DAB1: variants seen among roughly 807,000 people sequenced by gnomAD.
DAB1 encodes the protein DAB adaptor protein 1.
DAB1 carries 15 observed loss-of-function variants against 64.6 expected under a neutral mutation model. The ratio of observed to expected loss-of-function variants is 0.23; its 90% confidence interval spans 0.16 to 0.36. The LOEUF (loss-of-function observed/expected upper bound fraction) is 0.36. Among genes scored for constraint, DAB1 ranks in the 10% least tolerant of loss-of-function variants. The probability of loss-of-function intolerance (pLI) is 1.00; values close to 1 mark genes in which losing one functional copy is unlikely to be tolerated. For synonymous variants in DAB1, 235 were observed against 251.9 expected, an observed-to-expected ratio of 0.93 and a Z score of 0.64; for missense variants, 596 against 706.7, an observed-to-expected ratio of 0.84 and a Z score of 1.78.
At chr1:57,137,167 C>T (rs924207738) in intron 3 of DAB1, among the ~76,000 whole-genome samples, 1 of 151,944 alleles carries the variant, frequency 6.6e-6, no homozygotes, top group Non-Finnish European at 1.5e-5. Flanking sequence ...TAATTAAATG[C>T]CTATTGATTA....
chr1:57,618,764 G>T (rs1315213079), intron 7 of DAB1, among the ~76,000 whole-genome samples: 2 of 152,020 alleles, frequency 1.3e-5, no homozygotes, highest in Admixed American at 6.5e-5. Flanking sequence ...TGCAGAATCA[G>T]CATATACATA....
At position 57,614,237 on chromosome 1, in the gene DAB1, A is replaced by G. The variant is rs187025295; in HGVS notation, n.625+35355T>C. Among the ~76,000 whole-genome samples, 3 of 152,344 alleles carry G rather than the reference A, an allele frequency of 2.0e-5. No homozygotes were observed. In the East Asian group the frequency reaches 5.8e-4, roughly 29 times the overall value. On this transcript the variant is annotated intron_variant and non_coding_transcript_variant, in intron 7 of 20. Transcript: ENST00000485760. Reference sequence around the variant, plus strand: ...TTTATGTAAAATCTCTTAAGCTTTCAATGTTCACAGCAAATTCAAAGTTAA... The same window carrying G: ...TTTATGTAAAATCTCTTAAGCTTTCGATGTTCACAGCAAATTCAAAGTTAA...
intron 7 of DAB1, among the ~76,000 whole-genome samples, chr1:57,451,597 T>C (rs182057071): frequency 6.6e-6 from 1 of 152,328 alleles, no homozygotes; most frequent in Admixed American, 6.5e-5. Flanking sequence ...ACAGCTTTGA[T>C]GCTGTGTTCT....
intron 6 of DAB1, among the ~76,000 whole-genome samples, chr1:57,679,793 T>G (rs980566060): frequency 1.1e-4 from 17 of 152,214 alleles, no homozygotes; most frequent in Admixed American, 2.6e-4. Context: ...TGGATTAAAC[T>G]GAACATCAGC....
intron 7 of DAB1, among the ~76,000 whole-genome samples, chr1:57,458,995 CAT>C (rs1390639014): frequency 2.6e-5 from 4 of 151,896 alleles, no homozygotes; most frequent in Non-Finnish European, 4.4e-5. Context: ...AAAAGAGAAA[CAT>C]GTGAGTCAAA....
chr1:58,536,734 T>C, intron 1 of DAB1: 1 of 872,074 alleles, frequency 1.1e-6, no homozygotes, highest in Non-Finnish European at 2.0e-6. Context: ...CACCATTTCC[T>C]TATGCCCCTA....
chr1:58,211,369 C>A (rs1009825897), intron 4 of DAB1, among the ~76,000 whole-genome samples: 4 of 152,264 alleles, frequency 2.6e-5, no homozygotes, highest in Admixed American at 6.5e-5. Flanking sequence ...GAAATTTTCT[C>A]TGAAGTGATA....
intron 7 of DAB1, among the ~76,000 whole-genome samples, chr1:57,647,013 A>G (rs1646199618): frequency 6.6e-6 from 1 of 152,066 alleles, no homozygotes. Context: ...TACCTCATTG[A>G]GCTCCTTGTG....
chr1:58,025,531 G>C (rs1646876306), intron 5 of DAB1, among the ~76,000 whole-genome samples: 1 of 149,272 alleles, frequency 6.7e-6, no homozygotes, highest in Non-Finnish European at 1.5e-5. Flanking sequence ...AAATGTAGAT[G>C]AGCTATAAAT....
At chr1:58,532,583 A>C (rs1005545510) in intron 1 of DAB1, among the ~76,000 whole-genome samples, 1 of 152,164 alleles carries the variant, frequency 6.6e-6, no homozygotes, top group African/African-American at 2.4e-5. Flanking sequence ...GCTAGAGTGC[A>C]GTGGTGCGAT....
At chr1:57,858,250 A>G (rs950956349) in intron 1 of DAB1, among the ~76,000 whole-genome samples, 2 of 152,112 alleles carry the variant, frequency 1.3e-5, no homozygotes, top group African/African-American at 4.8e-5. Context: ...TCACCTCCTT[A>G]TTTAAACTAT....
intron 5 of DAB1, among the ~76,000 whole-genome samples, chr1:57,919,353 A>G (rs1289978932): frequency 1.3e-5 from 2 of 152,250 alleles, no homozygotes; most frequent in East Asian, 1.9e-4. Flanking sequence ...AAGGAACTCC[A>G]CAGTTTACTG....
intron 5 of DAB1, among the ~76,000 whole-genome samples, chr1:57,966,534 C>T (rs1645670227): frequency 6.6e-6 from 1 of 152,154 alleles, no homozygotes; most frequent in Non-Finnish European, 1.5e-5. Flanking sequence ...AATGTAGCTG[C>T]ATGAATAAGC....
chr1:57,619,513 A>G (rs1186376446), intron 7 of DAB1, among the ~76,000 whole-genome samples: 8 of 151,860 alleles, frequency 5.3e-5, no homozygotes, highest in Non-Finnish European at 1.5e-5. Context: ...TGATCCTTTC[A>G]CCTCAGCCTC....
intron 1 of DAB1, among the ~76,000 whole-genome samples, chr1:57,376,521 T>C (rs1465888243): frequency 6.6e-6 from 1 of 152,252 alleles, no homozygotes; most frequent in Non-Finnish European, 1.5e-5. Flanking sequence ...TTTGTATCTC[T>C]AGTGCCTAGA....
At chr1:58,194,362 A>T (rs1040824400) in intron 4 of DAB1, among the ~76,000 whole-genome samples, 1 of 152,218 alleles carries the variant, frequency 6.6e-6, no homozygotes, top group African/African-American at 2.4e-5. Flanking sequence ...ATTAAATGTG[A>T]TAATCTGTAA....
At chr1:57,189,662 A>C (rs1291425889) in intron 2 of DAB1, among the ~76,000 whole-genome samples, 1 of 152,086 alleles carries the variant, frequency 6.6e-6, no homozygotes, top group Non-Finnish European at 1.5e-5. Context: ...GCACATTGTT[A>C]CTGGTGATGG....
chr1:58,178,324 A>G (rs1305220389), intron 4 of DAB1, among the ~76,000 whole-genome samples: 3 of 152,168 alleles, frequency 2.0e-5, no homozygotes, highest in Non-Finnish European at 4.4e-5. Context: ...ACACACATGC[A>G]TGCATACATG....
intron 5 of DAB1, among the ~76,000 whole-genome samples, chr1:57,941,653 G>A (rs1227761509): frequency 6.6e-6 from 1 of 152,146 alleles, no homozygotes; most frequent in African/African-American, 2.4e-5. Flanking sequence ...TGGCTAACAT[G>A]GTGAAACCCC....
Sources: gnomAD v4.1 joint callset for allele counts (sites outside exome capture counted in the v4.1 genomes callset) on GRCh38, gnomAD v4.1.1 for gene constraint, MANE v1.5 for transcripts, NCBI Gene and HGNC (gene_info 2026-07-23, HGNC 2026-07-21) for gene names.